ULK4: variants seen among roughly 807,000 people sequenced by gnomAD.
ULK4 encodes unc-51 like kinase 4, also known as inactive serine/threonine-protein kinase ULK4.
ULK4 carries 133 observed loss-of-function variants against 160.6 expected under a neutral mutation model. The ratio of observed to expected loss-of-function variants is 0.83; its 90% CI spans 0.72 to 0.96. The LOEUF (loss-of-function observed/expected upper bound fraction) is 0.96, where lower values mean the gene tolerates loss of function less well. Ranked by LOEUF, ULK4 falls within the 40% of genes least tolerant of loss-of-function variation. The probability of loss-of-function intolerance (pLI) is 0.00; values close to 1 mark genes in which losing one functional copy is unlikely to be tolerated. For missense variants in ULK4, 1,580 were observed against 1,499.5 expected (o/e 1.05, Z -0.89); for synonymous variants, 534 against 539.8 (o/e 0.99, Z 0.15).
intron 27 of ULK4, among the ~76,000 whole-genome samples, chr3:41,704,544 T>G (rs959542470): frequency 6.6e-6 from 1 of 152,162 alleles, no homozygotes; most frequent in Admixed American, 6.5e-5. Context: ...AGGATCCTTC[T>G]AAGACACAGT....
chr3:41,336,438 G>A (rs1412827797), intron 35 of ULK4, among the ~76,000 whole-genome samples: 1 of 152,146 alleles, frequency 6.6e-6, no homozygotes, highest in Non-Finnish European at 1.5e-5. Context: ...TCAGAGGAAG[G>A]TCCTATGGAC....
At chr3:41,489,253 A>C (rs1575297485) in intron 32 of ULK4, among the ~76,000 whole-genome samples, 1 of 152,196 alleles carries the variant, frequency 6.6e-6, no homozygotes, top group Non-Finnish European at 1.5e-5. Context: ...TTCAAAAGAT[A>C]CTTTACTGAC....
chr3:41,822,630 G>A (rs1044060355), intron 18 of ULK4, among the ~76,000 whole-genome samples: 8 of 151,128 alleles, frequency 5.3e-5, no homozygotes, highest in Middle Eastern at 3.4e-3. Context: ...TGTTGGCCAG[G>A]CTCGTCTCAA....
intron 12 of ULK4, among the ~76,000 whole-genome samples, chr3:41,904,619 T>A (rs900380406): frequency 6.6e-6 from 1 of 152,154 alleles, no homozygotes; most frequent in African/African-American, 2.4e-5. Flanking sequence ...ATTTTCTATT[T>A]CACATAACCA....
intron 35 of ULK4, among the ~76,000 whole-genome samples, chr3:41,296,976 G>A (rs2079681491): frequency 6.6e-6 from 1 of 152,160 alleles, no homozygotes; most frequent in Admixed American, 6.5e-5. Flanking sequence ...ATCAAACACA[G>A]GAGTGAGATC....
chr3:41,808,728 T>A (rs1245807419), intron 19 of ULK4, among the ~76,000 whole-genome samples: 23 of 152,246 alleles, frequency 1.5e-4, no homozygotes, highest in Admixed American at 1.5e-3. Context: ...TCTGCCAATA[T>A]AATTTTGGTC....
intron 12 of ULK4, among the ~76,000 whole-genome samples, chr3:41,904,550 T>A (rs1344418644): frequency 2.6e-5 from 4 of 152,218 alleles, no homozygotes; most frequent in African/African-American, 9.6e-5. Flanking sequence ...TTTATAACCA[T>A]CTGCCAGAAG....
At chr3:41,918,849 C>T (rs1670872952) in intron 6 of ULK4, among the ~76,000 whole-genome samples, 1 of 152,102 alleles carries the variant, frequency 6.6e-6, no homozygotes, top group African/African-American at 2.4e-5. Context: ...GATCCGCCCG[C>T]CTCGATCTCC....
chr3:41,759,238 C>T (rs936497621), intron 21 of ULK4, among the ~76,000 whole-genome samples: 2 of 151,966 alleles, frequency 1.3e-5, no homozygotes, highest in African/African-American at 4.8e-5. Flanking sequence ...GAAATATTTG[C>T]AGATGACATG....
chr3:41,504,403 T>C (rs114520027), intron 32 of ULK4, among the ~76,000 whole-genome samples: 1 of 152,148 alleles, frequency 6.6e-6, no homozygotes, highest in Non-Finnish European at 1.5e-5. Flanking sequence ...TTTAAATAAA[T>C]GAATATGTGA....
intron 22 of ULK4, among the ~76,000 whole-genome samples, chr3:41,729,041 G>C (rs2037741207): frequency 6.6e-6 from 1 of 152,124 alleles, no homozygotes; most frequent in East Asian, 1.9e-4. Context: ...TACAAAAAAA[G>C]ACCAAAACAA....
intron 19 of ULK4, among the ~76,000 whole-genome samples, chr3:41,813,041 T>A (rs754968746): frequency 1.3e-5 from 2 of 152,194 alleles, no homozygotes; most frequent in Non-Finnish European, 2.9e-5. Flanking sequence ...CATAATAGTC[T>A]ATATAATTAT....
Position 41,717,930 on chromosome 3 carries a change from C to T in ULK4, c.2322-69G>A, listed in dbSNP as rs993561978. On this transcript the variant is annotated intron_variant, in intron 22 of 36. Transcript: ENST00000301831. ...CTTGATAGCATCTATCCAAAAATGC[C>T]GCCAAGGCAAGTGTTTCCAGAGGGC... 14 of 1,537,190 alleles carry T rather than the reference C, an allele frequency of 9.1e-6. No individual in the cohort carries two copies. The African/African-American group carries it at 1.1e-4, about 12-fold the overall frequency.
intron 29 of ULK4, among the ~76,000 whole-genome samples, chr3:41,672,489 A>G (rs2035575299): frequency 6.6e-6 from 1 of 152,212 alleles, no homozygotes; most frequent in Non-Finnish European, 1.5e-5. Context: ...GTGGAAGCCA[A>G]AAAAGTTTCT....
chr3:41,710,220 A>T (rs912805810), intron 25 of ULK4, among the ~76,000 whole-genome samples: 4 of 152,156 alleles, frequency 2.6e-5, no homozygotes, highest in African/African-American at 9.7e-5. Context: ...TTAATTTTTT[A>T]AAAATTCCCA....
At chr3:41,908,026 T>G (rs1218600182) in intron 11 of ULK4, 85 bp from the exon 12 acceptor site, 1 of 909,626 alleles carries the variant, frequency 1.1e-6, no homozygotes, top group African/African-American at 1.7e-5. Flanking sequence ...ACAAGTCTCA[T>G]GAAAAATGGT....
At chr3:41,727,312 G>A (rs891342525) in intron 22 of ULK4, among the ~76,000 whole-genome samples, 3 of 152,180 alleles carry the variant, frequency 2.0e-5, no homozygotes, top group African/African-American at 7.2e-5. Context: ...TCTACTATGT[G>A]CTAAGTATTT....
intron 31 of ULK4, among the ~76,000 whole-genome samples, chr3:41,579,680 G>GAAC (rs2125627652): frequency 1.3e-5 from 2 of 151,828 alleles, no homozygotes; most frequent in African/African-American, 4.8e-5. Context: ...TTTTAGTAGA[G>GAAC]ACGGGGTTTC....
intron 35 of ULK4, among the ~76,000 whole-genome samples, chr3:41,362,028 C>A (rs1007543908): frequency 1.3e-5 from 2 of 152,106 alleles, no homozygotes; most frequent in Non-Finnish European, 2.9e-5. Context: ...GCTGATAAAG[C>A]TTATCTTACT....
Sources: gnomAD v4.1 joint callset for allele counts (sites outside exome capture counted in the v4.1 genomes callset) on GRCh38, gnomAD v4.1.1 for gene constraint, MANE v1.5 for transcripts, NCBI Gene and HGNC (gene_info 2026-07-23, HGNC 2026-07-21) for gene names.